Variants in SPAG16 observed in about 807,000 individuals in gnomAD.
SPAG16 encodes sperm-associated antigen 16 protein.
SPAG16 carries 86 observed loss-of-function variants against 80.4 expected under a neutral mutation model. That is an observed-to-expected ratio of 1.07 (90% CI 0.90 to 1.28). The LOEUF is 1.28. Among genes scored for constraint, SPAG16 ranks in the 50% most tolerant of loss-of-function variants. The pLI is 0.00. For missense variants in SPAG16, 870 were observed against 765.3 expected (o/e 1.14, Z -1.61); for synonymous variants, 294 against 265.9 (o/e 1.11, Z -1.03).
At chr2:213,342,516 T>C (rs2064753446) in intron 6 of SPAG16, among the ~76,000 whole-genome samples, 1 of 151,690 alleles carries the variant, frequency 6.6e-6, no homozygotes. Flanking sequence ...AACTGCACTT[T>C]AATACTTAAT....
chr2:213,578,760 G>A (rs1003685033), intron 10 of SPAG16, among the ~76,000 whole-genome samples: 4 of 151,848 alleles, frequency 2.6e-5, no homozygotes, highest in African/African-American at 9.7e-5. Context: ...TTTTTTTTCT[G>A]CTTATATTGT....
At chr2:213,753,364 A>G (rs1358480971) in intron 10 of SPAG16, among the ~76,000 whole-genome samples, 3 of 152,150 alleles carry the variant, frequency 2.0e-5, no homozygotes, top group Non-Finnish European at 4.4e-5. Context: ...TCATAAGTGC[A>G]TAGGAAAATT....
chr2:213,655,702 A>G (rs2063197202), intron 10 of SPAG16, among the ~76,000 whole-genome samples: 1 of 152,188 alleles, frequency 6.6e-6, no homozygotes, highest in African/African-American at 2.4e-5. Context: ...CTGTCCTTGA[A>G]TAAATTTCTT....
At chr2:213,985,112 G>C (rs1468524886) in intron 12 of SPAG16, among the ~76,000 whole-genome samples, 1 of 152,028 alleles carries the variant, frequency 6.6e-6, no homozygotes, top group Non-Finnish European at 1.5e-5. Context: ...ATTGTACTCT[G>C]TCTTACTGCT....
chr2:213,339,162 A>G (rs914489137), intron 5 of SPAG16, among the ~76,000 whole-genome samples: 2 of 152,214 alleles, frequency 1.3e-5, no homozygotes, highest in Non-Finnish European at 2.9e-5. Context: ...ACTTTATCTC[A>G]TAAACATCTT....
chr2:214,220,930 C>T (rs1185013492), intron 15 of SPAG16, among the ~76,000 whole-genome samples: 1 of 152,182 alleles, frequency 6.6e-6, no homozygotes, highest in Non-Finnish European at 1.5e-5. Context: ...TTCAAACTCT[C>T]TGCCTTAGGG....
intron 13 of SPAG16, among the ~76,000 whole-genome samples, chr2:214,076,795 G>C (rs2051103122): frequency 6.6e-6 from 1 of 152,114 alleles, no homozygotes; most frequent in Admixed American, 6.6e-5. Flanking sequence ...AAGTAAGCAA[G>C]GGACAGATCA....
In SPAG16 at chr2:213,833,505, TATATATAATATATATA is replaced by T. The variant is rs2073852922; in HGVS notation, c.1071-28972_1071-28957del. ...TATATATTATATATAATATATATAT[TATATATAATATATATA>T]ATATATATATTATATATAATATATA... On this transcript the variant is annotated intron_variant, in intron 10 of 15. Transcript: ENST00000331683. Among the ~76,000 whole-genome samples the T allele has an allele frequency of 5.2e-3, 12 of 2,326 alleles. 1 individual carries two copies. Among genetic ancestry groups the T allele is most frequent in the Admixed American group, 0.024 (2 of 82 alleles). 1.5% of individuals were successfully genotyped at this position (2,326 alleles called of 152,430 possible). A position where few individuals can be genotyped will look rare whatever the true frequency, so the allele number is the denominator to read the frequency against.
intron 13 of SPAG16, among the ~76,000 whole-genome samples, chr2:214,062,443 A>C (rs2050316403): frequency 7.1e-6 from 1 of 141,464 alleles, no homozygotes; most frequent in Non-Finnish European, 1.6e-5. Context: ...AAAAAAAAAA[A>C]AGAAACCAAA....
At chr2:213,734,738 A>G (rs567049929) in intron 10 of SPAG16, among the ~76,000 whole-genome samples, 4 of 152,204 alleles carry the variant, frequency 2.6e-5, no homozygotes, top group African/African-American at 9.6e-5. Flanking sequence ...TATGAACATG[A>G]ATTTCTTTAG....
intron 15 of SPAG16, among the ~76,000 whole-genome samples, chr2:214,175,111 C>G (rs1199508126): frequency 6.6e-6 from 1 of 150,962 alleles, no homozygotes; most frequent in Non-Finnish European, 1.5e-5. Flanking sequence ...TCTGCTATCT[C>G]TCCTAAGAAA....
chr2:213,916,295 G>A (rs1448392777), intron 11 of SPAG16, among the ~76,000 whole-genome samples: 1 of 152,114 alleles, frequency 6.6e-6, no homozygotes. Flanking sequence ...TTTGTATAAG[G>A]TGTAAGGAAG....
chr2:213,407,631 G>C lies in SPAG16; in HGVS notation c.942+32512G>C, dbSNP rs962752084. On this transcript the variant is annotated intron_variant, in intron 9 of 15. Transcript: ENST00000331683. The stretch of plus-strand genomic sequence containing the variant: ...AGAGAGAGAGAGAGAGAGAGAGAGA[G>C]AGAGAGAGACAGACAGACAGGAGAG... Among the ~76,000 whole-genome samples the C allele has an allele frequency of 2.8e-3, 258 of 90,886 alleles. 2 individuals are homozygous for C. Among genetic ancestry groups the C allele is most frequent in the Admixed American group, 4.2e-3 (40 of 9,564 alleles). 59.6% of individuals were successfully genotyped at this position (90,886 alleles called of 152,430 possible).
At chr2:213,540,116 G>A (rs1171741608) in intron 10 of SPAG16, among the ~76,000 whole-genome samples, 1 of 145,768 alleles carries the variant, frequency 6.9e-6, no homozygotes, top group Non-Finnish European at 1.5e-5. Flanking sequence ...CTCACTGCAA[G>A]CTCTGCCTCC....
At chr2:214,093,200 A>G (rs1321528017) in intron 13 of SPAG16, among the ~76,000 whole-genome samples, 2 of 152,004 alleles carry the variant, frequency 1.3e-5, no homozygotes, top group African/African-American at 2.4e-5. Context: ...GTAATTTTAT[A>G]TATATAATAG....
intron 9 of SPAG16, among the ~76,000 whole-genome samples, chr2:213,381,594 G>A (rs1160575402): frequency 6.6e-6 from 1 of 152,186 alleles, no homozygotes; most frequent in Non-Finnish European, 1.5e-5. Context: ...AGCATACAGA[G>A]GGAGAGCCAA....
intron 9 of SPAG16, among the ~76,000 whole-genome samples, chr2:213,472,355 G>T (rs2073126488): frequency 1.3e-5 from 2 of 151,956 alleles, no homozygotes; most frequent in African/African-American, 4.8e-5. Context: ...AGCTGCAAAT[G>T]GAGTCACCAC....
chr2:214,010,197 T>C (rs1002942293), intron 12 of SPAG16, among the ~76,000 whole-genome samples: 1 of 145,104 alleles, frequency 6.9e-6, no homozygotes, highest in Non-Finnish European at 1.5e-5. Context: ...AAAACAGAAA[T>C]AAAAGCTTTT....
At chr2:213,377,295 T>G (rs1296384052) in intron 9 of SPAG16, among the ~76,000 whole-genome samples, 1 of 152,236 alleles carries the variant, frequency 6.6e-6, no homozygotes, top group African/African-American at 2.4e-5. Context: ...ACTAGTATTT[T>G]GAACAACTAG....
Sources: gnomAD v4.1 joint callset for allele counts (sites outside exome capture counted in the v4.1 genomes callset) on GRCh38, gnomAD v4.1.1 for gene constraint, MANE v1.5 for transcripts, NCBI Gene and HGNC (gene_info 2026-07-23, HGNC 2026-07-21) for gene names.